Variants in RSPO2 observed in about 807,000 individuals in gnomAD.
The protein encoded by RSPO2 is R-spondin-2.
Under a neutral mutation model 30.9 loss-of-function variants are expected in RSPO2, and 14 were observed. The ratio of observed to expected loss-of-function variants is 0.45; its 90% CI spans 0.30 to 0.71. The LOEUF (loss-of-function observed/expected upper bound fraction) is 0.71. Among genes scored for constraint, RSPO2 ranks in the 30% least tolerant of loss-of-function variants. The probability of loss-of-function intolerance (pLI) is 0.08; values close to 1 mark genes in which losing one functional copy is unlikely to be tolerated. For missense variants in RSPO2, 264 were observed against 301.9 expected (o/e 0.87, Z 0.93); for synonymous variants, 107 against 96.4 (o/e 1.11, Z -0.64).
chr8:107,903,496 CA>C (rs1811544133), intron 5 of RSPO2, among the ~76,000 whole-genome samples: 2 of 152,086 alleles, frequency 1.3e-5, no homozygotes, highest in African/African-American at 4.8e-5. Context: ...AAGTAATTGT[CA>C]ATATTAAATG....
At chr8:107,921,364 T>G (rs513275) in intron 5 of RSPO2, among the ~76,000 whole-genome samples, 1 of 151,654 alleles carries the variant, frequency 6.6e-6, no homozygotes, top group Non-Finnish European at 1.5e-5. Context: ...TTGTGAGATA[T>G]GAGGCAGTGG....
intron 5 of RSPO2, among the ~76,000 whole-genome samples, chr8:107,925,324 G>A (rs547088020): frequency 1.3e-5 from 2 of 151,964 alleles, no homozygotes; most frequent in East Asian, 1.9e-4. Flanking sequence ...TAAAAGAGGT[G>A]TAAAACAAAC....
At chr8:108,021,529 T>A (rs761574616) in intron 2 of RSPO2, among the ~76,000 whole-genome samples, 53 of 152,148 alleles carry the variant, frequency 3.5e-4, no homozygotes, top group Non-Finnish European at 6.8e-4. Flanking sequence ...GGGAAACATC[T>A]AATTCCAAAC....
intron 3 of RSPO2, among the ~76,000 whole-genome samples, chr8:107,968,613 T>C (rs146433534): frequency 9.5e-4 from 145 of 152,192 alleles, no homozygotes; most frequent in African/African-American, 3.2e-3. Context: ...AAAAAATAAA[T>C]GTTTGAGGTG....
chr8:107,941,163 C>G (rs936763174), intron 5 of RSPO2, among the ~76,000 whole-genome samples: 5 of 151,944 alleles, frequency 3.3e-5, no homozygotes, highest in Non-Finnish European at 1.5e-5. Flanking sequence ...CCAATCATAT[C>G]CCGACTCTGA....
chr8:107,958,865 G>A (rs746137124), intron 4 of RSPO2, among the ~76,000 whole-genome samples: 1 of 152,250 alleles, frequency 6.6e-6, no homozygotes, highest in South Asian at 2.1e-4. Context: ...TGTCCCTGCA[G>A]GGGACTTGAT....
At chr8:107,945,188 T>A (rs1320601667) in intron 5 of RSPO2, among the ~76,000 whole-genome samples, 2 of 151,686 alleles carry the variant, frequency 1.3e-5, no homozygotes, top group Non-Finnish European at 2.9e-5. Flanking sequence ...GAGATTCAAT[T>A]TGGTAACCAA....
At chr8:108,072,946 C>T (rs1812903837) in intron 2 of RSPO2, 1 of 152,142 alleles carries the variant, frequency 6.6e-6, no homozygotes, top group Non-Finnish European at 1.5e-5. Context: ...GGGCATTCAT[C>T]TTATGTAAAA....
chr8:108,082,317 C>T (rs1379853152), intron 2 of RSPO2, among the ~76,000 whole-genome samples: 1 of 152,202 alleles, frequency 6.6e-6, no homozygotes. Flanking sequence ...GCGCCCGGCT[C>T]GCCGAGCTCC....
At chr8:107,994,652 G>A (rs1264385267) in intron 2 of RSPO2, among the ~76,000 whole-genome samples, 3 of 151,832 alleles carry the variant, frequency 2.0e-5, no homozygotes, top group African/African-American at 4.8e-5. Context: ...TTTTCACTAC[G>A]CCAAGCAAGG....
intron 3 of RSPO2, among the ~76,000 whole-genome samples, chr8:107,975,213 C>A (rs1004739140): frequency 2.0e-5 from 3 of 152,204 alleles, no homozygotes; most frequent in Non-Finnish European, 4.4e-5. Context: ...TTTATCTTTA[C>A]ATGACTTTAA....
At chr8:108,016,604 C>G (rs969939876) in intron 2 of RSPO2, among the ~76,000 whole-genome samples, 3 of 152,150 alleles carry the variant, frequency 2.0e-5, no homozygotes, top group Admixed American at 2.0e-4. Context: ...CAATATTTAA[C>G]ATATACACAC....
intron 5 of RSPO2, 135 bp from the exon 6 acceptor site, chr8:107,901,325 T>C: frequency 2.2e-6 from 2 of 913,104 alleles, no homozygotes; most frequent in Non-Finnish European, 3.2e-6. Flanking sequence ...AAAGAGAAAA[T>C]TGTTCACATT....
intron 2 of RSPO2, among the ~76,000 whole-genome samples, chr8:108,055,393 T>G (rs1812213355): frequency 6.6e-6 from 1 of 152,030 alleles, no homozygotes; most frequent in Non-Finnish European, 1.5e-5. Flanking sequence ...TTTGTTTTAT[T>G]TGAGGTGTAA....
intron 5 of RSPO2, among the ~76,000 whole-genome samples, chr8:107,906,830 G>A (rs1329905660): frequency 6.6e-6 from 1 of 151,944 alleles, no homozygotes; most frequent in Admixed American, 6.6e-5. Flanking sequence ...ATATTGTGAT[G>A]TATGTATATA....
intron 3 of RSPO2, among the ~76,000 whole-genome samples, chr8:107,978,933 C>T (rs111593243): frequency 2.9e-3 from 449 of 152,214 alleles, no homozygotes; most frequent in African/African-American, 0.01. Context: ...TGAAAAAATG[C>T]TCATCATCAC....
intron 5 of RSPO2, among the ~76,000 whole-genome samples, chr8:107,916,947 A>T (rs753964946): frequency 4.6e-5 from 7 of 152,222 alleles, no homozygotes; most frequent in Non-Finnish European, 1.0e-4. Flanking sequence ...AATTTTATTT[A>T]AAAACTAGCT....
intron 2 of RSPO2, among the ~76,000 whole-genome samples, chr8:108,048,439 C>T (rs2514841): frequency 0.51 from 76,806 of 151,378 alleles, 19,819 homozygotes; most frequent in African/African-American, 0.62. Context: ...CATAGCACTT[C>T]AGTAATGTTA....
intron 5 of RSPO2, among the ~76,000 whole-genome samples, chr8:107,929,038 C>G (rs1038438158): frequency 2.6e-5 from 4 of 152,258 alleles, no homozygotes; most frequent in African/African-American, 9.6e-5. Flanking sequence ...ACCGCATGCC[C>G]TGACACTGTT....
Sources: allele counts gnomAD v4.1 joint callset (sites outside exome capture counted in the v4.1 genomes callset), GRCh38; gene constraint gnomAD v4.1.1; transcripts MANE v1.5; gene names NCBI Gene and HGNC (gene_info 2026-07-23, HGNC 2026-07-21).